The following MGAT4C variants were observed in gnomAD, a reference collection of about 807,000 sequenced individuals.
The protein encoded by MGAT4C is alpha-1,3-mannosyl-glycoprotein 4-beta-N-acetylglucosaminyltransferase C.
MGAT4C carries 19 observed loss-of-function variants against 40.1 expected under a neutral mutation model. That is an observed-to-expected ratio of 0.47 (90% CI 0.33 to 0.70). The LOEUF (loss-of-function observed/expected upper bound fraction) is 0.70. Among genes scored for constraint, MGAT4C ranks in the 30% least tolerant of loss-of-function variants. The pLI is 0.02. For synonymous variants in MGAT4C, 181 were observed against 187.1 expected, an observed-to-expected ratio of 0.97 and a Z score of 0.27; for missense variants, 491 against 563.2, an observed-to-expected ratio of 0.87 and a Z score of 1.30.
At chr12:86,301,795 C>T (rs1255711494) in intron 4 of MGAT4C, among the ~76,000 whole-genome samples, 1 of 152,192 alleles carries the variant, frequency 6.6e-6, no homozygotes, top group Non-Finnish European at 1.5e-5. Context: ...TAATACTTCT[C>T]AAATCAAGAT....
At chr12:86,127,933 T>A (rs1020519118) in intron 1 of MGAT4C, among the ~76,000 whole-genome samples, 2 of 152,110 alleles carry the variant, frequency 1.3e-5, no homozygotes, top group African/African-American at 2.4e-5. Context: ...GTTAGCTTTT[T>A]AAAAAAATAA....
In MGAT4C at chr12:86,464,026, G is replaced by A. The variant is rs142884918; in HGVS notation, c.-228-28761C>T. Among the ~76,000 whole-genome samples the A allele has an allele frequency of 2.7e-4, 41 of 152,246 alleles. No homozygotes were observed. The East Asian group carries it at 7.5e-3, about 28-fold the overall frequency. On this transcript the variant is annotated intron_variant, in intron 2 of 7. Transcript: ENST00000548651. The stretch of plus-strand genomic sequence containing the variant: ...GAAAGCAGCACCACAGAGTTAATGT[G>A]TTTTTAATTTAGCCAGCTTTCTTTC...
intron 4 of MGAT4C, among the ~76,000 whole-genome samples, chr12:86,327,491 T>G (rs1419823894): frequency 8.5e-5 from 13 of 152,074 alleles, no homozygotes; most frequent in Non-Finnish European, 1.8e-4. Context: ...CCTGGTGTTC[T>G]TTGAAAACTT....
intron 2 of MGAT4C, among the ~76,000 whole-genome samples, chr12:86,590,850 T>C (rs1022315319): frequency 4.1e-4 from 62 of 152,122 alleles, no homozygotes; most frequent in African/African-American, 1.4e-3. Flanking sequence ...CAAATTACAA[T>C]AGTTTATGAT....
intron 1 of MGAT4C, among the ~76,000 whole-genome samples, chr12:86,791,181 CACAGATGCCAAAA>C (rs1952014595): frequency 6.6e-6 from 1 of 152,004 alleles, no homozygotes; most frequent in Non-Finnish European, 1.5e-5. Flanking sequence ...TGACCAAGAC[CACAGATGCCAAAA>C]ACAGGTGCCA....
chr12:86,384,810 A>G (rs926173542), intron 3 of MGAT4C, among the ~76,000 whole-genome samples: 1 of 152,116 alleles, frequency 6.6e-6, no homozygotes, highest in Non-Finnish European at 1.5e-5. Flanking sequence ...GTAAGTTCGT[A>G]TCTTCTACTC....
intron 1 of MGAT4C, among the ~76,000 whole-genome samples, chr12:86,237,715 G>C (rs1375693612): frequency 6.6e-6 from 1 of 151,704 alleles, no homozygotes; most frequent in African/African-American, 2.4e-5. Context: ...TTGCAATAAA[G>C]TTTTCTGAAA....
chr12:85,997,096 G>T (rs1211348770), intron 2 of MGAT4C, among the ~76,000 whole-genome samples: 1 of 152,188 alleles, frequency 6.6e-6, no homozygotes, highest in Non-Finnish European at 1.5e-5. Context: ...GGCTGAGGAG[G>T]CCTCACAATC....
intron 2 of MGAT4C, among the ~76,000 whole-genome samples, chr12:86,452,746 C>T (rs572880099): frequency 1.3e-3 from 195 of 152,176 alleles, no homozygotes; most frequent in Non-Finnish European, 2.3e-3. Context: ...ATGATTAATA[C>T]ATGTAAAGGT....
At chr12:86,263,860 C>A (rs1036495218) in intron 4 of MGAT4C, among the ~76,000 whole-genome samples, 1 of 152,052 alleles carries the variant, frequency 6.6e-6, no homozygotes, top group Non-Finnish European at 1.5e-5. Context: ...TTTCTAATAG[C>A]CATTTTGACA....
chr12:86,294,168 G>T (rs1953602154), intron 4 of MGAT4C, among the ~76,000 whole-genome samples: 1 of 151,528 alleles, frequency 6.6e-6, no homozygotes, highest in African/African-American at 2.4e-5. Context: ...CTGTAACTTA[G>T]ACTTCTTTAG....
chr12:86,663,463 A>C (rs1343731124), intron 2 of MGAT4C, among the ~76,000 whole-genome samples: 1 of 152,116 alleles, frequency 6.6e-6, no homozygotes, highest in African/African-American at 2.4e-5. Context: ...CAAACATGAC[A>C]GTGCCAGAGT....
At chr12:86,290,844 C>T (rs546507981) in intron 4 of MGAT4C, among the ~76,000 whole-genome samples, 42 of 152,008 alleles carry the variant, frequency 2.8e-4, no homozygotes, top group Admixed American at 4.6e-4. Flanking sequence ...TACATTCTTG[C>T]GGTATGTTAC....
intron 2 of MGAT4C, among the ~76,000 whole-genome samples, chr12:86,446,682 T>TATATATATATATAC (rs1555190155): frequency 0.02 from 2,251 of 113,416 alleles, 91 homozygotes; most frequent in Non-Finnish European, 0.03. Context: ...TATATATATA[T>TATATATATATATAC]ATATATATAT....
intron 1 of MGAT4C, among the ~76,000 whole-genome samples, chr12:86,218,001 A>C (rs61949011): frequency 6.6e-6 from 1 of 152,076 alleles, no homozygotes; most frequent in African/African-American, 2.4e-5. Context: ...TATTAATATC[A>C]AAATTATACA....
chr12:86,415,093 A>G (rs1956681605), intron 3 of MGAT4C, among the ~76,000 whole-genome samples: 1 of 151,996 alleles, frequency 6.6e-6, no homozygotes, highest in Non-Finnish European at 1.5e-5. Flanking sequence ...GGAAAATTAT[A>G]GGGGTAGAAA....
chr12:86,355,603 A>G (rs1243648724), intron 3 of MGAT4C, among the ~76,000 whole-genome samples: 1 of 152,190 alleles, frequency 6.6e-6, no homozygotes, highest in Non-Finnish European at 1.5e-5. Context: ...ACAGGACAAC[A>G]TGTTGAAAGT....
intron 3 of MGAT4C, among the ~76,000 whole-genome samples, chr12:86,358,641 A>T (rs1021684205): frequency 6.6e-6 from 1 of 152,194 alleles, no homozygotes; most frequent in Non-Finnish European, 1.5e-5. Context: ...AGATCTACCA[A>T]GGAAATGGAA....
At chr12:86,063,057 C>A (rs534447644) in intron 1 of MGAT4C, among the ~76,000 whole-genome samples, 2 of 152,044 alleles carry the variant, frequency 1.3e-5, no homozygotes, top group East Asian at 3.9e-4. Context: ...AAGAGCAACC[C>A]CAAGACACAT....
Sources: gnomAD v4.1 joint callset for allele counts (sites outside exome capture counted in the v4.1 genomes callset) on GRCh38, gnomAD v4.1.1 for gene constraint, MANE v1.5 for transcripts, NCBI Gene and HGNC (gene_info 2026-07-23, HGNC 2026-07-21) for gene names.